The following C20orf96 variants were observed in gnomAD, a reference collection of about 807,000 sequenced individuals.
C20orf96 encodes the protein chromosome 20 open reading frame 96.
C20orf96 carries 57 observed loss-of-function variants against 52.6 expected under a neutral mutation model. The ratio of observed to expected loss-of-function variants is 1.08; its 90% CI spans 0.88 to 1.35. The LOEUF (loss-of-function observed/expected upper bound fraction) is 1.35. Among genes scored for constraint, C20orf96 ranks in the 40% most tolerant of loss-of-function variants. The pLI is 0.00. For missense variants in C20orf96, 478 were observed against 443.6 expected, an observed-to-expected ratio of 1.08 and a Z score of -0.70; for synonymous variants, 168 against 157.2, an observed-to-expected ratio of 1.07 and a Z score of -0.51.
chr20:273,408 C>G (rs1201286658), intron 10 of C20orf96, among the ~76,000 whole-genome samples: 4 of 152,182 alleles, frequency 2.6e-5, no homozygotes, highest in Non-Finnish European at 4.4e-5. Context: ...GGCTGAGTTG[C>G]CCTGCTCCCT....
intron 10 of C20orf96, among the ~76,000 whole-genome samples, chr20:272,116 A>C (rs17399719): frequency 0.045 from 6,758 of 151,822 alleles, 299 homozygotes; most frequent in African/African-American, 0.11. Flanking sequence ...GAAAAAAAAA[A>C]AATTTCTAAA....
chr20:276,541 G>A, intron 9 of C20orf96: 2 of 985,438 alleles, frequency 2.0e-6, no homozygotes, highest in Non-Finnish European at 2.4e-6. Flanking sequence ...AATAGGTGAT[G>A]TTTGGTGATG....
At chr20:276,377 A>G in intron 9 of C20orf96, 6 of 985,404 alleles carry the variant, frequency 6.1e-6, no homozygotes, top group Non-Finnish European at 7.2e-6. Context: ...GCTGGCAGAG[A>G]TAGTGAAGGG....
chr20:274,896 C>T (rs150976949), intron 10 of C20orf96, among the ~76,000 whole-genome samples: 243 of 152,118 alleles, frequency 1.6e-3, no homozygotes, highest in African/African-American at 5.5e-3. Context: ...CTCGGCTGAC[C>T]GCAACCTCCG....
In C20orf96 at chr20:289,488, AC is replaced by A; in HGVS notation, c.187+70del. ...AGCCTACCCTAATATAAGTGGTGTC[AC>A]CAAGAGCCAAAAGCAGCCACTCTAT... On this transcript the variant is annotated intron_variant, in intron 3 of 10. Transcript: ENST00000360321. 3.1e-6 allele frequency: 3 copies of A among 965,688 alleles called. No individual in the cohort carries two copies. The South Asian group carries it at 3.9e-5, about 12-fold the overall frequency. The allele number at this position is 965,688 out of a possible 1,614,324, so 59.8% of individuals were successfully genotyped here.
rs1470501057 is a variant in C20orf96 at position 277,270 on chromosome 20, A to C, written c.679T>G (p.Ser227Ala). The part of the protein sequence containing the change: ...HEYSIKSVQI[S>A]TLMRQLQQVK... The stretch of plus-strand genomic sequence containing the variant: ...TGCTGCAGCTGGCGCATAAGAGTGG[A>C]GATCTGGACAGACTTGATGGAATAC... The change falls in exon 7 of 11, where the codon TCC (serine) becomes GCC (alanine). Residue 227 changes from serine (S) to alanine (A), a missense_variant. By Grantham distance (99) the Ser-to-Ala change is moderately conservative (BLOSUM62 1). Transcript: ENST00000360321. The C allele has an allele frequency of 1.5e-5, 25 of 1,614,058 alleles. No homozygotes were observed. The highest frequency in any genetic ancestry group is 2.0e-5 in the Non-Finnish European group (24 of 1,180,048).
chr20:282,167 T>G (rs1489906460), intron 4 of C20orf96, among the ~76,000 whole-genome samples: 1 of 152,136 alleles, frequency 6.6e-6, no homozygotes, highest in Non-Finnish European at 1.5e-5. Context: ...GCACTAGGGT[T>G]TCAGTTCAAA....
At chr20:290,417 G>C in intron 1 of C20orf96, 110 bp from the exon 2 acceptor site, 1 of 1,554,594 alleles carries the variant, frequency 6.4e-7, no homozygotes, top group Non-Finnish European at 8.7e-7. Context: ...CAGTTTACCG[G>C]GGACAATAGC....
intron 3 of C20orf96, among the ~76,000 whole-genome samples, chr20:285,327 T>C (rs6035671): frequency 0.36 from 55,275 of 152,066 alleles, 10,304 homozygotes; most frequent in East Asian, 0.51. Context: ...CTCTCAGTCC[T>C]CACCAAAATC....
intron 3 of C20orf96, among the ~76,000 whole-genome samples, chr20:288,116 T>G (rs2012434859): frequency 6.6e-6 from 1 of 151,006 alleles, no homozygotes; most frequent in Non-Finnish European, 1.5e-5. Context: ...TCTATTTTAT[T>G]TTATCTTTGA....
chr20:288,661 A>C (rs763859064), intron 3 of C20orf96, among the ~76,000 whole-genome samples: 2 of 152,168 alleles, frequency 1.3e-5, no homozygotes, highest in Non-Finnish European at 1.5e-5. Flanking sequence ...ATGCAGGGCA[A>C]CTTGGCATTC....
chr20:273,835 C>T (rs150656882), intron 10 of C20orf96, among the ~76,000 whole-genome samples: 2,567 of 140,666 alleles, frequency 0.018, 35 homozygotes, highest in Middle Eastern at 0.03. Context: ...TGAGATGGTG[C>T]CAGTGCACTC....
At chr20:274,141 C>G (rs1394445591) in intron 10 of C20orf96, among the ~76,000 whole-genome samples, 1 of 151,938 alleles carries the variant, frequency 6.6e-6, no homozygotes, top group African/African-American at 2.4e-5. Flanking sequence ...CCAGGTGTTT[C>G]CTGGGCATGT....
At position 289,543 on chromosome 20, in the gene C20orf96, A is replaced by G; in HGVS notation, c.187+16T>C. On this transcript the variant is annotated intron_variant, in intron 3 of 10. Coordinates refer to ENST00000360321, the MANE Select transcript of C20orf96 (RefSeq NM_153269.3). ...GTCTCCAACCCCCACACCAGCTCCCAGGTGCCTCCGCCCACCTGGTTGGAC... is the reference window on the plus strand; with the variant it reads ...GTCTCCAACCCCCACACCAGCTCCCGGGTGCCTCCGCCCACCTGGTTGGAC... 1 of 1,577,534 alleles carries G rather than the reference A, an allele frequency of 6.3e-7. No homozygotes were observed. Among genetic ancestry groups the G allele is most frequent in the Non-Finnish European group, 8.7e-7 (1 of 1,146,840 alleles).
chr20:275,391 A>C (rs2011985290), intron 10 of C20orf96, among the ~76,000 whole-genome samples: 1 of 152,226 alleles, frequency 6.6e-6, no homozygotes, highest in Admixed American at 6.5e-5. Flanking sequence ...GGAAAACGAC[A>C]GGAGGGAGAG....
At chr20:272,728 G>C (rs2011882053) in intron 10 of C20orf96, among the ~76,000 whole-genome samples, 1 of 152,004 alleles carries the variant, frequency 6.6e-6, no homozygotes, top group Non-Finnish European at 1.5e-5. Context: ...CTCTGCATTT[G>C]ACATCACCAC....
chr20:278,132 G>C (rs966706571), intron 6 of C20orf96, among the ~76,000 whole-genome samples, 198 bp downstream of exon 6: 2 of 152,232 alleles, frequency 1.3e-5, no homozygotes, highest in African/African-American at 4.8e-5. Flanking sequence ...CATTGGTAGA[G>C]ACCCAGATAC....
chr20:274,248 G>A (rs1164888355), intron 10 of C20orf96, among the ~76,000 whole-genome samples: 5 of 151,838 alleles, frequency 3.3e-5, no homozygotes, highest in African/African-American at 7.3e-5. Context: ...CACGTGGAAG[G>A]GCATCCATGA....
intron 4 of C20orf96, among the ~76,000 whole-genome samples, chr20:283,191 A>G (rs1391448902): frequency 6.6e-6 from 1 of 152,216 alleles, no homozygotes; most frequent in Non-Finnish European, 1.5e-5. Flanking sequence ...GAAGCCATAA[A>G]ACAATGTATA....
Sources: allele counts gnomAD v4.1 joint callset (sites outside exome capture counted in the v4.1 genomes callset), GRCh38; gene constraint gnomAD v4.1.1; transcripts MANE v1.5; gene names NCBI Gene and HGNC (gene_info 2026-07-23, HGNC 2026-07-21).